Variants in PSMD1 observed in about 807,000 individuals in gnomAD.
The protein encoded by PSMD1 is 26S proteasome non-ATPase regulatory subunit 1.
Under a neutral mutation model 119.0 loss-of-function variants are expected in PSMD1, and 18 were observed. That is an observed-to-expected ratio of 0.15 (90% CI 0.10 to 0.22). The LOEUF (loss-of-function observed/expected upper bound fraction) is 0.22. PSMD1 is among the 10% of genes least tolerant of loss of function. PSMD1 has a pLI of 1.00. For synonymous variants in PSMD1, 374 were observed against 396.6 expected (o/e 0.94, Z 0.68); for missense variants, 702 against 1,158.5 (o/e 0.61, Z 5.72).
At chr2:231,085,508 T>G (rs1010911955) in intron 15 of PSMD1, among the ~76,000 whole-genome samples, 2 of 152,198 alleles carry the variant, frequency 1.3e-5, no homozygotes, top group African/African-American at 4.8e-5. Flanking sequence ...CACATACCCC[T>G]AATGGGTGCA....
chr2:231,080,919 G>A (rs1694294174), intron 12 of PSMD1, among the ~76,000 whole-genome samples: 1 of 152,076 alleles, frequency 6.6e-6, no homozygotes, highest in African/African-American at 2.4e-5. Context: ...GAGGCGGGTG[G>A]ATCACCTGAA....
chr2:231,135,880 A>T lies in PSMD1; in HGVS notation c.1884-2856A>T, dbSNP rs187454875. On this transcript the variant is annotated intron_variant, in intron 16 of 24. Transcript: ENST00000308696. ...CAAACTGAGAACATTCTCAAGAAAG[A>T]GTGATGGACTCTATTGTAGGGAAAA... 1.1e-3 allele frequency among the ~76,000 whole-genome samples: 161 copies of T among 152,342 alleles called. 3 individuals are homozygous for T. The highest frequency in any genetic ancestry group is 3.4e-4 in the Non-Finnish European group (23 of 68,022).
At chr2:231,057,899 C>A (rs536037572) in intron 1 of PSMD1, among the ~76,000 whole-genome samples, 8 of 152,224 alleles carry the variant, frequency 5.3e-5, no homozygotes, top group Non-Finnish European at 1.2e-4. Flanking sequence ...TTTACATACC[C>A]TTTTCTCATT....
chr2:231,141,066 G>A (rs891393343), intron 17 of PSMD1, among the ~76,000 whole-genome samples: 30 of 152,200 alleles, frequency 2.0e-4, no homozygotes, highest in Admixed American at 6.5e-5. Context: ...CCAGCACTTC[G>A]GGATGCCGAG....
At position 231,102,770 on chromosome 2, in the gene PSMD1, G is replaced by GA. The variant is rs112711997; in HGVS notation, c.1883+15598dup. ...AGGTACACTCAGTGTAATTTTTAGT[G>GA]AAAAAAAAATTGCATATTAGTGGGC... On this transcript the variant is annotated intron_variant, in intron 16 of 24. Coordinates refer to ENST00000308696, the MANE Select transcript of PSMD1 (RefSeq NM_002807.4). Among the ~76,000 whole-genome samples the GA allele has an allele frequency of 1.3e-3, 200 of 150,104 alleles. 1 individual carries two copies. Among genetic ancestry groups the GA allele is most frequent in the African/African-American group, 4.5e-3 (182 of 40,870 alleles).
intron 11 of PSMD1, 108 bp from the exon 12 acceptor site, chr2:231,080,033 C>G: frequency 9.9e-7 from 1 of 1,010,812 alleles, no homozygotes. Flanking sequence ...ACCTCCTTCT[C>G]TCTTAGCAAG....
chr2:231,111,018 ATACT>A (rs1361868924), intron 16 of PSMD1, among the ~76,000 whole-genome samples: 1 of 152,186 alleles, frequency 6.6e-6, no homozygotes, highest in African/African-American at 2.4e-5. Context: ...TATCTACTTA[ATACT>A]TTCTTCTCCA....
At chr2:231,123,684 GAT>G (rs1559240923) in intron 16 of PSMD1, 1 of 1,614,038 alleles carries the variant, frequency 6.2e-7, no homozygotes, top group Admixed American at 1.7e-5. Context: ...AGTTAGAAGA[GAT>G]AACGTGAACA....
At chr2:231,140,747 A>G (rs1197655449) in intron 17 of PSMD1, among the ~76,000 whole-genome samples, 2 of 151,394 alleles carry the variant, frequency 1.3e-5, no homozygotes, top group African/African-American at 2.4e-5. Context: ...GCGTGGTGGC[A>G]TGCACCTGTA....
At chr2:231,166,250 G>A (rs571345863) in intron 23 of PSMD1, among the ~76,000 whole-genome samples, 2 of 152,148 alleles carry the variant, frequency 1.3e-5, no homozygotes, top group Non-Finnish European at 2.9e-5. Flanking sequence ...GACATACGAC[G>A]TAGGAGTTCC....
At chr2:231,113,648 G>T in intron 16 of PSMD1, 3 of 1,243,324 alleles carry the variant, frequency 2.4e-6, no homozygotes, top group African/African-American at 1.5e-5. Context: ...GAGTTTCATT[G>T]CCTACCAGAC....
At chr2:231,132,060 T>C (rs888422211) in intron 16 of PSMD1, among the ~76,000 whole-genome samples, 2 of 152,192 alleles carry the variant, frequency 1.3e-5, no homozygotes, top group Admixed American at 1.3e-4. Flanking sequence ...CTAGGTAAAG[T>C]TCTGCATTAG....
chr2:231,168,255 G>A (rs1696833806), intron 23 of PSMD1, among the ~76,000 whole-genome samples: 1 of 152,178 alleles, frequency 6.6e-6, no homozygotes, highest in Non-Finnish European at 1.5e-5. Context: ...AAAGAATTTG[G>A]CAGTTCCTCA....
At chr2:231,127,311 T>C (rs1695749091) in intron 16 of PSMD1, among the ~76,000 whole-genome samples, 1 of 151,710 alleles carries the variant, frequency 6.6e-6, no homozygotes, top group Non-Finnish European at 1.5e-5. Context: ...TGTATAAACA[T>C]GTAGGTCTAC....
chr2:231,127,271 C>CA (rs1396011578), intron 16 of PSMD1, among the ~76,000 whole-genome samples: 1 of 133,914 alleles, frequency 7.5e-6, no homozygotes, highest in African/African-American at 2.7e-5. Context: ...GCAACAACAA[C>CA]AACAAAAAAA....
chr2:231,079,393 T>G, intron 10 of PSMD1, 143 bp from the exon 11 acceptor site: 1 of 467,730 alleles, frequency 2.1e-6, no homozygotes, highest in Non-Finnish European at 3.9e-6. Context: ...AGAGTTAAAA[T>G]AGAATCAGTA....
chr2:231,114,030 A>G (rs1333662174), intron 16 of PSMD1: 2 of 896,576 alleles, frequency 2.2e-6, no homozygotes, highest in South Asian at 1.4e-5. Flanking sequence ...TTTGTTACTC[A>G]TCTGAAATTT....
Position 231,172,577 on chromosome 2 carries a change from T to A in PSMD1, c.*52T>A, listed in dbSNP as rs1280625937. On this transcript the variant is annotated 3_prime_UTR_variant, in exon 25 of 25. Transcript: ENST00000308696. ...TGAAGAAGATTGTCCAGGCTCATAT[T>A]GGGAATGCTTATGAGGAAATTCATG... The A allele has an allele frequency of 6.6e-6, 1 of 152,228 alleles. No homozygotes were observed. Among genetic ancestry groups the A allele is most frequent in the East Asian group, 1.9e-4 (1 of 5,206 alleles). The allele number at this position is 152,228 out of a possible 1,614,324, so 9.4% of individuals were successfully genotyped here. A position where few individuals can be genotyped will look rare whatever the true frequency, so the allele number is the denominator to read the frequency against.
intron 18 of PSMD1, among the ~76,000 whole-genome samples, chr2:231,148,172 G>A (rs912602553): frequency 2.0e-5 from 3 of 152,136 alleles, no homozygotes; most frequent in Admixed American, 2.0e-4. Context: ...TATCATATGA[G>A]TAGCTTTTAC....
Sources: gnomAD v4.1 joint callset for allele counts (sites outside exome capture counted in the v4.1 genomes callset) on GRCh38, gnomAD v4.1.1 for gene constraint, MANE v1.5 for transcripts, NCBI Gene and HGNC (gene_info 2026-07-23, HGNC 2026-07-21) for gene names.